Variants in PRKD1 observed in about 807,000 individuals in gnomAD.
The protein encoded by PRKD1 is protein kinase D1, also known as serine/threonine-protein kinase D1.
Under a neutral mutation model 95.9 loss-of-function variants are expected in PRKD1, and 63 were observed. The observed-to-expected ratio is 0.66, with a 90% CI of 0.54 to 0.81. The LOEUF is 0.81. Among genes scored for constraint, PRKD1 ranks in the 30% least tolerant of loss-of-function variants. The pLI is 0.00. For synonymous variants in PRKD1, 425 were observed against 423.1 expected (o/e 1.00, Z -0.05); for missense variants, 1,048 against 1,165.3 (o/e 0.90, Z 1.47).
intron 4 of PRKD1, among the ~76,000 whole-genome samples, chr14:29,649,942 G>A (rs1881384732): frequency 1.3e-5 from 2 of 152,122 alleles, no homozygotes; most frequent in Non-Finnish European, 2.9e-5. Flanking sequence ...GAGACCTGTA[G>A]CCTTCTGTAT....
chr14:29,622,134 T>C (rs1273783982), intron 13 of PRKD1, among the ~76,000 whole-genome samples: 1 of 152,060 alleles, frequency 6.6e-6, no homozygotes, highest in East Asian at 1.9e-4. Context: ...AGAAGATCCT[T>C]CTCTTGTGCA....
chr14:29,812,565 T>C (rs1448444529), intron 1 of PRKD1, among the ~76,000 whole-genome samples: 1 of 151,990 alleles, frequency 6.6e-6, no homozygotes, highest in Non-Finnish European at 1.5e-5. Flanking sequence ...ACAATCATGG[T>C]GGAAGGTGAA....
chr14:29,719,155 A>G (rs570957896), intron 2 of PRKD1, among the ~76,000 whole-genome samples: 6 of 152,232 alleles, frequency 3.9e-5, no homozygotes, highest in African/African-American at 1.4e-4. Flanking sequence ...ACATGCTTAT[A>G]AGGATTTCTT....
intron 13 of PRKD1, among the ~76,000 whole-genome samples, chr14:29,600,103 G>C (rs1043608227): frequency 6.6e-6 from 1 of 152,106 alleles, no homozygotes; most frequent in African/African-American, 2.4e-5. Context: ...ATACCATATT[G>C]AGAAATCTAT....
chr14:29,914,899 T>G (rs77047497), intron 1 of PRKD1, among the ~76,000 whole-genome samples: 17 of 152,162 alleles, frequency 1.1e-4, no homozygotes, highest in Non-Finnish European at 1.9e-4. Context: ...CTAATTTTTG[T>G]ATTTTTAGTA....
At chr14:29,599,887 T>C (rs1566477298) in intron 13 of PRKD1, 70 bp from the exon 14 acceptor site, 4 of 1,418,364 alleles carry the variant, frequency 2.8e-6, no homozygotes, top group East Asian at 4.6e-5. Context: ...TCGCTGATTA[T>C]ACAAAACTGT....
intron 1 of PRKD1, among the ~76,000 whole-genome samples, chr14:29,871,899 C>T (rs1893122089): frequency 6.6e-6 from 1 of 152,154 alleles, no homozygotes. Context: ...GCCCAAGCTA[C>T]CACCTACTAA....
chr14:29,682,976 C>T (rs1024410424), intron 2 of PRKD1, among the ~76,000 whole-genome samples: 1 of 152,136 alleles, frequency 6.6e-6, no homozygotes, highest in Non-Finnish European at 1.5e-5. Context: ...GAAGGGGAGC[C>T]AGGCCTTGTG....
chr14:29,831,285 G>C (rs1038847370), intron 1 of PRKD1, among the ~76,000 whole-genome samples: 1 of 152,040 alleles, frequency 6.6e-6, no homozygotes, highest in Non-Finnish European at 1.5e-5. Context: ...AAGCTTATAA[G>C]ATTTTCAAGT....
chr14:29,586,010 C>A (rs1211324564), intron 16 of PRKD1, among the ~76,000 whole-genome samples: 3 of 152,114 alleles, frequency 2.0e-5, no homozygotes, highest in Admixed American at 6.6e-5. Context: ...ACTGAAGATT[C>A]TGATTTGGTA....
chr14:29,647,747 T>C (rs1594393037), intron 4 of PRKD1, among the ~76,000 whole-genome samples: 5 of 152,162 alleles, frequency 3.3e-5, no homozygotes, highest in Admixed American at 2.6e-4. Flanking sequence ...GATAACTTTA[T>C]AGTGTTGCAG....
chr14:29,652,450 G>T (rs1881569190), intron 4 of PRKD1, among the ~76,000 whole-genome samples: 1 of 152,102 alleles, frequency 6.6e-6, no homozygotes, highest in Admixed American at 6.5e-5. Context: ...TATATGATAA[G>T]CCAGACTTGT....
At chr14:29,702,341 G>A (rs369059992) in intron 2 of PRKD1, among the ~76,000 whole-genome samples, 19 of 151,850 alleles carry the variant, frequency 1.3e-4, no homozygotes, top group East Asian at 5.8e-4. Flanking sequence ...TTCTTATGTC[G>A]TTAGCTAAGA....
At chr14:29,629,988 CTCTTCT>C (rs35838437) in intron 10 of PRKD1, among the ~76,000 whole-genome samples, 33 of 143,750 alleles carry the variant, frequency 2.3e-4, no homozygotes, top group South Asian at 4.6e-4. Flanking sequence ...CTTCCTCCTC[CTCTTCT>C]TCTTCTTCTC....
At chr14:29,663,428 C>G (rs1204532601) in intron 4 of PRKD1, among the ~76,000 whole-genome samples, 1 of 152,074 alleles carries the variant, frequency 6.6e-6, no homozygotes, top group Non-Finnish European at 1.5e-5. Context: ...GCAACATTAA[C>G]ACATTAGTTC....
In PRKD1 at chr14:29,742,672, A is replaced by G. The variant is rs45584841; in HGVS notation, c.265-16998T>C. On this transcript the variant is annotated intron_variant, in intron 1 of 17. Coordinates refer to ENST00000331968, the MANE Select transcript of PRKD1 (RefSeq NM_002742.3). ...CATGTTCTTTGCTTTAGGATACCGTAAAAAATGAGTATCAAGGTAAAATGT... is the reference window on the plus strand; with the variant it reads ...CATGTTCTTTGCTTTAGGATACCGTGAAAAATGAGTATCAAGGTAAAATGT... 9.7e-4 allele frequency among the ~76,000 whole-genome samples: 147 copies of G among 152,322 alleles called. 1 individual carries two copies. In the East Asian group the frequency reaches 0.023, roughly 23 times the overall value.
intron 1 of PRKD1, among the ~76,000 whole-genome samples, chr14:29,843,370 GA>G (rs1594570235): frequency 6.6e-6 from 1 of 152,114 alleles, no homozygotes; most frequent in East Asian, 1.9e-4. Context: ...CATTCTGTGG[GA>G]CTTTTTTATG....
chr14:29,871,431 T>A (rs112469886), intron 1 of PRKD1, among the ~76,000 whole-genome samples: 20 of 152,312 alleles, frequency 1.3e-4, no homozygotes, highest in African/African-American at 4.6e-4. Flanking sequence ...ATTGCCAAAA[T>A]GAGAGGCAGG....
At chr14:29,885,894 G>A (rs1278484935) in intron 1 of PRKD1, among the ~76,000 whole-genome samples, 1 of 151,478 alleles carries the variant, frequency 6.6e-6, no homozygotes, top group African/African-American at 2.4e-5. Flanking sequence ...TTGAACCTAG[G>A]AGGTGGAGGT....
Sources: allele counts gnomAD v4.1 joint callset (sites outside exome capture counted in the v4.1 genomes callset), GRCh38; gene constraint gnomAD v4.1.1; transcripts MANE v1.5; gene names NCBI Gene and HGNC (gene_info 2026-07-23, HGNC 2026-07-21).